The following FAM169A variants were observed in gnomAD, a reference collection of about 807,000 sequenced individuals.
The protein encoded by FAM169A is soluble lamin-associated protein of 75 kDa.
FAM169A carries 24 observed loss-of-function variants against 75.7 expected under a neutral mutation model. The ratio of observed to expected loss-of-function variants is 0.32; its 90% CI spans 0.23 to 0.45. FAM169A has a LOEUF of 0.45. Ranked by LOEUF, FAM169A falls within the 20% of genes least tolerant of loss-of-function variation. The pLI is 1.00. For synonymous variants in FAM169A, 271 were observed against 271.0 expected (o/e 1.00, Z 0.00); for missense variants, 673 against 784.0 (o/e 0.86, Z 1.69).
intron 10 of FAM169A, chr5:74,799,403 T>C (rs1746446779): frequency 6.2e-7 from 1 of 1,613,204 alleles, no homozygotes. Context: ...AGCAAGCACA[T>C]TAAAAAGCTG....
At chr5:74,832,546 T>C (rs551753637) in intron 5 of FAM169A, among the ~76,000 whole-genome samples, 13 of 151,210 alleles carry the variant, frequency 8.6e-5, no homozygotes, top group Non-Finnish European at 1.8e-4. Context: ...TTTATCTTTT[T>C]GCTACTAGTG....
intron 11 of FAM169A, among the ~76,000 whole-genome samples, chr5:74,790,364 G>T (rs1665889): frequency 0.98 from 149,520 of 152,314 alleles, 73,526 homozygotes; most frequent in Non-Finnish European, 1. Context: ...GGTTGTGCAC[G>T]TTCCAAGGAA....
intron 5 of FAM169A, among the ~76,000 whole-genome samples, chr5:74,833,702 T>TG (rs1426413158): frequency 6.6e-6 from 1 of 152,152 alleles, no homozygotes; most frequent in Non-Finnish European, 1.5e-5. Context: ...TGAAAGGTCT[T>TG]TTGGTCAAGG....
At chr5:74,855,219 C>G (rs936429481) in intron 1 of FAM169A, among the ~76,000 whole-genome samples, 1 of 152,190 alleles carries the variant, frequency 6.6e-6, no homozygotes. Context: ...GTTTTTCAGA[C>G]AGGGTCTGCT....
chr5:74,786,026 A>G (rs567759048), intron 11 of FAM169A, among the ~76,000 whole-genome samples: 2 of 152,272 alleles, frequency 1.3e-5, no homozygotes, highest in African/African-American at 2.4e-5. Context: ...GGCACCATCT[A>G]ATCAGCTGCC....
At chr5:74,847,470 CA>C (rs1425563464) in intron 1 of FAM169A, among the ~76,000 whole-genome samples, 1 of 152,154 alleles carries the variant, frequency 6.6e-6, no homozygotes, top group Non-Finnish European at 1.5e-5. Flanking sequence ...AATCTCAACT[CA>C]TTTTTTTAGA....
intron 10 of FAM169A, chr5:74,799,434 C>T: frequency 6.2e-7 from 1 of 1,613,046 alleles, no homozygotes; most frequent in Non-Finnish European, 8.5e-7. Context: ...CAGTCCTCAG[C>T]TTGGATTGGC....
chr5:74,798,024 C>T (rs1487858348), intron 10 of FAM169A, among the ~76,000 whole-genome samples: 1 of 152,188 alleles, frequency 6.6e-6, no homozygotes, highest in Non-Finnish European at 1.5e-5. Context: ...GTTGGTGGAC[C>T]TTTACACTAG....
chr5:74,810,526 G>A (rs372426475), intron 6 of FAM169A, among the ~76,000 whole-genome samples: 109 of 152,112 alleles, frequency 7.2e-4, no homozygotes, highest in African/African-American at 2.5e-3. Context: ...GAGGCGGGTG[G>A]ATCACGAGGT....
intron 10 of FAM169A, 109 bp from the exon 11 acceptor site, chr5:74,796,295 A>G (rs1746271058): frequency 1.0e-6 from 1 of 971,452 alleles, no homozygotes; most frequent in South Asian, 1.9e-5. Context: ...TGTTGTCAAC[A>G]ACTTCAGATT....
Position 74,862,459 on chromosome 5 carries a change from T to C in FAM169A, c.-4+3706A>G, listed in dbSNP as rs1011652118. Among the ~76,000 whole-genome samples the C allele has an allele frequency of 5.9e-5, 9 of 152,316 alleles. No individual in the cohort carries two copies. The South Asian group carries it at 6.2e-4, about 11-fold the overall frequency. On this transcript the variant is annotated intron_variant, in intron 1 of 12. Coordinates refer to ENST00000687041, the MANE Select transcript of FAM169A (RefSeq NM_001376049.1). ...CTTCTGACAAGTTCTCACTCATCCA[T>C]TGTTCAAGACCAAGTTCAACTGTCA...
At position 74,853,680 on chromosome 5, in the gene FAM169A, T is replaced by C. The variant is rs1273000038; in HGVS notation, c.-3-12001A>G. Among the ~76,000 whole-genome samples the C allele has an allele frequency of 2.6e-5, 4 of 151,462 alleles. No individual in the cohort carries two copies. The East Asian group carries it at 7.8e-4, about 29-fold the overall frequency. On this transcript the variant is annotated intron_variant, in intron 1 of 12. Coordinates refer to ENST00000687041, the MANE Select transcript of FAM169A (RefSeq NM_001376049.1). Reference sequence around the variant, plus strand: ...GTTTCTTCGGACTTTCTATATCTAATCACTGTGACCCATCTTCAGAATTTT... The same window carrying C: ...GTTTCTTCGGACTTTCTATATCTAACCACTGTGACCCATCTTCAGAATTTT...
At chr5:74,863,557 A>G (rs1227578547) in intron 1 of FAM169A, among the ~76,000 whole-genome samples, 1 of 152,248 alleles carries the variant, frequency 6.6e-6, no homozygotes, top group East Asian at 1.9e-4. Flanking sequence ...CAACTCTCTT[A>G]TGTTGTACTT....
intron 10 of FAM169A, 43 bp downstream of exon 10, chr5:74,800,837 A>G (rs761414506): frequency 1.7e-6 from 2 of 1,151,604 alleles, no homozygotes; most frequent in African/African-American, 1.6e-5. Flanking sequence ...ACAAAAAATA[A>G]AAGTACAAAT....
chr5:74,785,266 C>A lies in FAM169A; in HGVS notation c.1261-2132G>T, dbSNP rs188047607. 1.6e-3 allele frequency among the ~76,000 whole-genome samples: 243 copies of A among 152,222 alleles called. 3 individuals are homozygous for A. The highest frequency in any genetic ancestry group is 4.9e-4 in the Non-Finnish European group (33 of 68,010). On this transcript the variant is annotated intron_variant, in intron 11 of 12. Coordinates refer to ENST00000687041, the MANE Select transcript of FAM169A (RefSeq NM_001376049.1). ...CTGGGAGGTAGAGGTTGCAGTTAAG[C>A]CTAGATTGCACCACTGCATTCCAGC...
chr5:74,848,890 T>G (rs1749297330), intron 1 of FAM169A: 1 of 152,150 alleles, frequency 6.6e-6, no homozygotes, highest in South Asian at 2.1e-4. Context: ...TTTTTTGTTG[T>G]TTTTAAGCTT....
chr5:74,829,566 G>A (rs191996665), intron 5 of FAM169A, among the ~76,000 whole-genome samples: 30 of 152,302 alleles, frequency 2.0e-4, no homozygotes, highest in Middle Eastern at 3.4e-3. Context: ...GCTGAGGCAG[G>A]TGGATCAATT....
intron 2 of FAM169A, 117 bp from the exon 3 acceptor site, chr5:74,840,290 G>A (rs533121323): frequency 3.6e-5 from 17 of 468,104 alleles, no homozygotes; most frequent in Non-Finnish European, 6.1e-5. Flanking sequence ...TTATTTTATA[G>A]GAGACATTAT....
intron 8 of FAM169A, among the ~76,000 whole-genome samples, chr5:74,804,103 GAAGC>G (rs1174935204): frequency 1.3e-5 from 2 of 152,036 alleles, no homozygotes; most frequent in African/African-American, 4.8e-5. Flanking sequence ...ACAGCAGTTA[GAAGC>G]AATCCAAGAG....
Sources: gnomAD v4.1 joint callset for allele counts (sites outside exome capture counted in the v4.1 genomes callset) on GRCh38, gnomAD v4.1.1 for gene constraint, MANE v1.5 for transcripts, NCBI Gene and HGNC (gene_info 2026-07-23, HGNC 2026-07-21) for gene names.